PDE1A: variants seen among roughly 807,000 people sequenced by gnomAD.
The protein encoded by PDE1A is phosphodiesterase 1A.
PDE1A carries 35 observed loss-of-function variants against 61.7 expected under a neutral mutation model. The observed-to-expected ratio is 0.57, with a 90% CI of 0.43 to 0.75. PDE1A has a LOEUF of 0.75. Among genes scored for constraint, PDE1A ranks in the 30% least tolerant of loss-of-function variants. The pLI, the probability that PDE1A is intolerant of heterozygous loss-of-function variation, is 0.00. For missense variants in PDE1A, 597 were observed against 630.6 expected (o/e 0.95, Z 0.57); for synonymous variants, 232 against 213.2 (o/e 1.09, Z -0.77).
chr2:182,398,802 A>C (rs983838110), intron 1 of PDE1A, among the ~76,000 whole-genome samples: 2 of 152,028 alleles, frequency 1.3e-5, no homozygotes, highest in East Asian at 3.8e-4. Context: ...TCCTGTAGAT[A>C]CTTTACTTTT....
intron 2 of PDE1A, among the ~76,000 whole-genome samples, chr2:182,241,433 G>A (rs1218407787): frequency 6.6e-6 from 1 of 152,204 alleles, no homozygotes; most frequent in Non-Finnish European, 1.5e-5. Flanking sequence ...GGCCAGAGAT[G>A]GTTGTACATG....
intron 2 of PDE1A, among the ~76,000 whole-genome samples, chr2:182,490,638 G>T (rs56682010): frequency 0.052 from 7,912 of 152,248 alleles, 379 homozygotes; most frequent in East Asian, 0.14. Context: ...CTCCCAAAGT[G>T]CTGGGATTAC....
At chr2:182,598,590 C>A in the PDE1A span, among the ~76,000 whole-genome samples, 1 of 151,500 alleles carries the variant, frequency 6.6e-6, no homozygotes, top group South Asian at 2.1e-4. Flanking sequence ...AAACAAGGAT[C>A]TTTGCCATTA....
intron 8 of PDE1A, among the ~76,000 whole-genome samples, chr2:182,205,502 T>C (rs74685505): frequency 6.6e-6 from 1 of 152,222 alleles, no homozygotes; most frequent in African/African-American, 2.4e-5. Flanking sequence ...TTTTAGTATA[T>C]TGGAATTTTT....
At chr2:182,238,254 G>A (rs1431500830) in intron 3 of PDE1A, among the ~76,000 whole-genome samples, 7 of 85,678 alleles carry the variant, frequency 8.2e-5, no homozygotes, top group Admixed American at 7.8e-4. Flanking sequence ...GGGTGACAGA[G>A]CCAGACTACG....
chr2:182,508,714 C>T (rs552503353), intron 2 of PDE1A, among the ~76,000 whole-genome samples: 1 of 148,972 alleles, frequency 6.7e-6, no homozygotes, highest in Non-Finnish European at 1.5e-5. Context: ...GGTATCAAAG[C>T]CATTTGTAAA....
intron 1 of PDE1A, among the ~76,000 whole-genome samples, chr2:182,326,803 T>C (rs1021503097): frequency 2.6e-5 from 4 of 152,152 alleles, no homozygotes; most frequent in African/African-American, 9.7e-5. Context: ...ATAAAAAAAG[T>C]CCATGTGGGG....
intron 7 of PDE1A, 92 bp downstream of exon 7, chr2:182,223,772 C>G: frequency 2.8e-6 from 2 of 703,108 alleles, no homozygotes. Flanking sequence ...TTATTAGAAT[C>G]TTTATTATTT....
At chr2:182,231,168 T>C in intron 4 of PDE1A, 37 bp from the exon 5 acceptor site, 1 of 992,586 alleles carries the variant, frequency 1.0e-6, no homozygotes, top group Non-Finnish European at 1.6e-6. Flanking sequence ...GGTGCCAATA[T>C]CATACTGTTT....
chr2:182,400,959 C>A (rs1397029345), intron 1 of PDE1A, among the ~76,000 whole-genome samples: 5 of 152,204 alleles, frequency 3.3e-5, no homozygotes, highest in South Asian at 4.2e-4. Flanking sequence ...TTTTATTATT[C>A]CATTGGTGTT....
chr2:182,683,234 G>A, the PDE1A span, among the ~76,000 whole-genome samples: 1 of 151,694 alleles, frequency 6.6e-6, no homozygotes, highest in African/African-American at 2.4e-5. Flanking sequence ...TGGGATTACA[G>A]GCGTGCTGTA....
chr2:182,626,816 TATATATATAC>T, the PDE1A span, among the ~76,000 whole-genome samples: 1 of 23,200 alleles, frequency 4.3e-5, no homozygotes, highest in South Asian at 1.7e-3. Context: ...TATATATACA[TATATATATAC>T]ATATATATAT....
chr2:182,688,553 G>A, the PDE1A span, among the ~76,000 whole-genome samples: 5 of 152,218 alleles, frequency 3.3e-5, no homozygotes, highest in South Asian at 2.1e-4. Flanking sequence ...AGGAACAACC[G>A]GTATCAGCCA....
chr2:182,630,783 G>GC, the PDE1A span, among the ~76,000 whole-genome samples: 87 of 152,170 alleles, frequency 5.7e-4, no homozygotes, highest in African/African-American at 2.0e-3. Context: ...GATGAATCCA[G>GC]CATCAGCTCT....
In PDE1A at chr2:182,307,617, A is replaced by G. The variant is rs573272955; in HGVS notation, c.54-43203T>C. On this transcript the variant is annotated intron_variant, in intron 1 of 13. Transcript: ENST00000351439. ...CTGGATCATTAGGAAAATGAAAGTT[A>G]AAACCAAAATGAGATATCGTCACAA... Among the ~76,000 whole-genome samples, 8 of 152,302 alleles carry G rather than the reference A, an allele frequency of 5.3e-5. No homozygotes were observed. The East Asian group carries it at 9.6e-4, about 18-fold the overall frequency.
chr2:182,405,931 A>T (rs1307808411), intron 1 of PDE1A, among the ~76,000 whole-genome samples: 4 of 151,998 alleles, frequency 2.6e-5, no homozygotes, highest in African/African-American at 9.7e-5. Flanking sequence ...TTAAAATAAA[A>T]TATTACTAAT....
At chr2:182,364,790 C>T (rs954034092) in intron 1 of PDE1A, among the ~76,000 whole-genome samples, 1 of 151,910 alleles carries the variant, frequency 6.6e-6, no homozygotes, top group Non-Finnish European at 1.5e-5. Context: ...AAAATAGACT[C>T]CCAGGTGTTG....
At chr2:182,599,988 T>C in the PDE1A span, among the ~76,000 whole-genome samples, 51 of 152,332 alleles carry the variant, frequency 3.3e-4, no homozygotes, top group African/African-American at 1.2e-3. Flanking sequence ...GGAAAGTCCC[T>C]TGAAGCCTGG....
At chr2:182,318,226 A>G (rs1429671789) in intron 1 of PDE1A, among the ~76,000 whole-genome samples, 4 of 152,182 alleles carry the variant, frequency 2.6e-5, no homozygotes, top group African/African-American at 9.6e-5. Context: ...CTCACTAGCC[A>G]AGAATTTCAA....
Sources: allele counts gnomAD v4.1 joint callset (sites outside exome capture counted in the v4.1 genomes callset), GRCh38; gene constraint gnomAD v4.1.1; transcripts MANE v1.5; gene names NCBI Gene and HGNC (gene_info 2026-07-23, HGNC 2026-07-21).